Variants in LONRF2 observed in about 807,000 individuals in gnomAD.
LONRF2 encodes the protein LON peptidase N-terminal domain and RING finger protein 2.
In LONRF2, 35 loss-of-function variants were observed where a neutral mutation model predicts 66.6. The observed-to-expected ratio is 0.53, with a 90% CI of 0.40 to 0.70. The LOEUF (loss-of-function observed/expected upper bound fraction) is 0.70. Among genes scored for constraint, LONRF2 ranks in the 30% least tolerant of loss-of-function variants. LONRF2 has a pLI of 0.00. For synonymous variants in LONRF2, 417 were observed against 418.1 expected, an observed-to-expected ratio of 1.00 and a Z score of 0.03; for missense variants, 902 against 1,002.1, an observed-to-expected ratio of 0.90 and a Z score of 1.35.
At chr2:100,294,191 C>G (rs1675018105) in intron 9 of LONRF2, 38 bp downstream of exon 9, 1 of 1,599,386 alleles carries the variant, frequency 6.3e-7, no homozygotes, top group South Asian at 1.1e-5. Context: ...CGATGCCCTT[C>G]ATTAGGACCC....
chr2:100,316,318 C>CAA (rs57110532), intron 1 of LONRF2, among the ~76,000 whole-genome samples: 3,508 of 100,828 alleles, frequency 0.035, 183 homozygotes, highest in African/African-American at 0.14. Flanking sequence ...GACTCCATCT[C>CAA]AAAAAAAAAA....
At chr2:100,300,939 A>G (rs1205304988) in intron 3 of LONRF2, 152 bp from the exon 4 acceptor site, 7 of 612,172 alleles carry the variant, frequency 1.1e-5, no homozygotes, top group African/African-American at 1.9e-5. Flanking sequence ...TAAAATCCAA[A>G]CATTTTTGAA....
intron 2 of LONRF2, among the ~76,000 whole-genome samples, chr2:100,307,661 C>A (rs1675325284): frequency 6.6e-6 from 1 of 152,124 alleles, no homozygotes; most frequent in African/African-American, 2.4e-5. Flanking sequence ...TTCAAGAGAT[C>A]TATTATGATA....
At position 100,309,090 on chromosome 2, in the gene LONRF2, C is replaced by G; in HGVS notation, c.798+17G>C. The G allele has an allele frequency of 4.8e-6, 7 of 1,471,846 alleles. No homozygotes were observed. The highest frequency in any genetic ancestry group is 6.5e-6 in the Non-Finnish European group (7 of 1,080,346). 91.2% of individuals were successfully genotyped at this position (1,471,846 alleles called of 1,614,324 possible). On this transcript the variant is annotated intron_variant, in intron 2 of 11. Transcript: ENST00000393437. ...AACTTCACATTGATTATCTCCAAAG[C>G]TAACAAATACAAATACCTTAATCAA...
chr2:100,278,878 A>T lies in LONRF2; in HGVS notation c.*5420T>A, dbSNP rs1377086127. On this transcript the variant is annotated 3_prime_UTR_variant, in exon 12 of 12. Transcript: ENST00000393437. ...GCTGTTCTTCCTTTTAATACTGAGGAGTCCACTAATGCTGATACATGCCCT... is the reference window on the plus strand; with the variant it reads ...GCTGTTCTTCCTTTTAATACTGAGGTGTCCACTAATGCTGATACATGCCCT... 1.3e-5 allele frequency: 2 copies of T among 152,118 alleles called. No homozygotes were observed. The highest frequency in any genetic ancestry group is 4.8e-5 in the African/African-American group (2 of 41,374). 9.4% of individuals were successfully genotyped at this position (152,118 alleles called of 1,614,324 possible).
At chr2:100,310,222 G>A (rs1675382788) in intron 1 of LONRF2, among the ~76,000 whole-genome samples, 1 of 152,204 alleles carries the variant, frequency 6.6e-6, no homozygotes, top group African/African-American at 2.4e-5. Flanking sequence ...CATGGAAAAG[G>A]CTGGAAGCCA....
chr2:100,307,942 C>CTT (rs5832905), intron 2 of LONRF2, among the ~76,000 whole-genome samples: 8 of 151,420 alleles, frequency 5.3e-5, no homozygotes, highest in Admixed American at 4.6e-4. Context: ...GGAGTCTAAA[C>CTT]TTTTTTTTTA....
At position 100,299,328 on chromosome 2, in the gene LONRF2, G is replaced by GA. The variant is rs755842698; in HGVS notation, c.1268-10dup. 2.0e-6 allele frequency: 3 copies of GA among 1,530,682 alleles called. No homozygotes were observed. The highest frequency in any genetic ancestry group is 1.4e-5 in the African/African-American group (1 of 71,604). 94.8% of individuals were successfully genotyped at this position (1,530,682 alleles called of 1,614,324 possible). On this transcript the variant is annotated splice_polypyrimidine_tract_variant and intron_variant, in intron 5 of 11. Coordinates refer to ENST00000393437, the MANE Select transcript of LONRF2 (RefSeq NM_198461.4). Reference sequence around the variant, plus strand: ...CCTTTGAAGTGAGAGATCTGAATGCGAAAAAATTTAAAACGCTGTAATTAA... The same window carrying GA: ...CCTTTGAAGTGAGAGATCTGAATGCGAAAAAAATTTAAAACGCTGTAATTAA...
rs563619338 is a variant in LONRF2, at chr2:100,277,458, A to C, written c.*6840T>G. On this transcript the variant is annotated 3_prime_UTR_variant, in exon 12 of 12. Transcript: ENST00000393437. ...GCCTCCTTAACACAGGACAGAGTCA[A>C]GCCTGGGCCCTCTGGTGTATTCTAC... 1.2e-4 allele frequency: 18 copies of C among 152,382 alleles called. 1 individual carries two copies. The East Asian group carries it at 3.5e-3, about 29-fold the overall frequency. The allele number at this position is 152,382 out of a possible 1,614,324, so 9.4% of individuals were successfully genotyped here.
chr2:100,310,590 C>T (rs1460922180), intron 1 of LONRF2, among the ~76,000 whole-genome samples: 1 of 152,058 alleles, frequency 6.6e-6, no homozygotes, highest in African/African-American at 2.4e-5. Flanking sequence ...GTCATCACCA[C>T]ATATGTGTAA....
chr2:100,314,109 A>G (rs1397444573), intron 1 of LONRF2, among the ~76,000 whole-genome samples: 1 of 152,016 alleles, frequency 6.6e-6, no homozygotes, highest in African/African-American at 2.4e-5. Flanking sequence ...ATTCATTTTT[A>G]TCTAGTATAT....
rs1674555862 is a variant in LONRF2, at chr2:100,274,344, G to A, written c.*9954C>T. ...GCTCCTGAGCTCCTAAACACACCAA[G>A]GGGTGCTTGAAGGTCCAGGCCCGCC... On this transcript the variant is annotated 3_prime_UTR_variant, in exon 12 of 12. Coordinates refer to ENST00000393437, the MANE Select transcript of LONRF2 (RefSeq NM_198461.4). 6.6e-6 allele frequency: 1 copy of A among 152,186 alleles called. No individual in the cohort carries two copies. Among genetic ancestry groups the A allele is most frequent in the Non-Finnish European group, 1.5e-5 (1 of 68,060 alleles). 9.4% of individuals were successfully genotyped at this position (152,186 alleles called of 1,614,324 possible).
In LONRF2 at chr2:100,300,261, TA is replaced by T. The variant is rs201611492; in HGVS notation, c.1066-344del. 3.2e-3 allele frequency among the ~76,000 whole-genome samples: 492 copies of T among 151,732 alleles called. 4 individuals carry two copies. The highest frequency in any genetic ancestry group is 0.011 in the African/African-American group (473 of 41,364). On this transcript the variant is annotated intron_variant, in intron 4 of 11. Coordinates refer to ENST00000393437, the MANE Select transcript of LONRF2 (RefSeq NM_198461.4). Reference sequence around the variant, plus strand: ...ATCATCCCTTTGCTTTATTTTTTTTTAAATTACACTTTAAGTTCTAGGGTAC... The same window carrying T: ...ATCATCCCTTTGCTTTATTTTTTTTTAATTACACTTTAAGTTCTAGGGTAC...
intron 2 of LONRF2, among the ~76,000 whole-genome samples, chr2:100,305,210 AC>A (rs1269113909): frequency 1.1e-4 from 16 of 152,254 alleles, no homozygotes; most frequent in Admixed American, 1.0e-3. Flanking sequence ...AAACAAACAA[AC>A]AAAAAACCCA....
At position 100,280,148 on chromosome 2, in the gene LONRF2, A is replaced by T. The variant is rs1468240360; in HGVS notation, c.*4150T>A. The stretch of plus-strand genomic sequence containing the variant: ...ACCTAAAAGCTGAGTCACTGCTAAA[A>T]GGCTATTTTATAGAATTCAGCAGTT... On this transcript the variant is annotated 3_prime_UTR_variant, in exon 12 of 12. Coordinates refer to ENST00000393437, the MANE Select transcript of LONRF2 (RefSeq NM_198461.4). 1 of 152,212 alleles carries T rather than the reference A, an allele frequency of 6.6e-6. No individual in the cohort carries two copies. The highest frequency in any genetic ancestry group is 1.5e-5 in the Non-Finnish European group (1 of 68,046). The allele number at this position is 152,212 out of a possible 1,614,324, so 9.4% of individuals were successfully genotyped here.
chr2:100,284,509 G>A lies in LONRF2; in HGVS notation c.2071-17C>T. 1 of 1,527,516 alleles carries A rather than the reference G, an allele frequency of 6.5e-7. No individual in the cohort carries two copies. Among genetic ancestry groups the A allele is most frequent in the South Asian group, 1.3e-5 (1 of 78,458 alleles). The allele number at this position is 1,527,516 out of a possible 1,614,324, so 94.6% of individuals were successfully genotyped here. ...GGGATTACTCTGCAAAAGAGATGAGGGGAAAGCAAGGTTAACACTGGAAAT... is the reference window on the plus strand; with the variant it reads ...GGGATTACTCTGCAAAAGAGATGAGAGGAAAGCAAGGTTAACACTGGAAAT... On this transcript the variant is annotated splice_polypyrimidine_tract_variant and intron_variant, in intron 11 of 11. Transcript: ENST00000393437.
chr2:100,285,620 CCT>C (rs2105713449), intron 11 of LONRF2, among the ~76,000 whole-genome samples: 1 of 152,140 alleles, frequency 6.6e-6, no homozygotes, highest in South Asian at 2.1e-4. Flanking sequence ...CATATAGGGT[CCT>C]GTCTGGGCTG....
At chr2:100,296,386 C>G (rs1160943458) in intron 7 of LONRF2, among the ~76,000 whole-genome samples, 1 of 152,194 alleles carries the variant, frequency 6.6e-6, no homozygotes, top group Non-Finnish European at 1.5e-5. Flanking sequence ...CCACTGCGCT[C>G]ATAAAGCTGT....
intron 4 of LONRF2, 51 bp from the exon 5 acceptor site, chr2:100,299,969 TAAGAGA>T: frequency 9.9e-7 from 1 of 1,010,928 alleles, no homozygotes; most frequent in Non-Finnish European, 1.4e-6. Context: ...AATCATAGCA[TAAGAGA>T]AAAAGAATGC....
Sources: allele counts gnomAD v4.1 joint callset (sites outside exome capture counted in the v4.1 genomes callset), GRCh38; gene constraint gnomAD v4.1.1; transcripts MANE v1.5; gene names NCBI Gene and HGNC (gene_info 2026-07-23, HGNC 2026-07-21).